The following GOLM1 variants were observed in gnomAD, a reference collection of about 807,000 sequenced individuals.
The protein encoded by GOLM1 is epididymis luminal protein 46.
GOLM1 carries 31 observed loss-of-function variants against 50.5 expected under a neutral mutation model. That is an observed-to-expected ratio of 0.61 (90% CI 0.46 to 0.83). The LOEUF (loss-of-function observed/expected upper bound fraction) is 0.83, where lower values mean the gene tolerates loss of function less well. GOLM1 is among the 40% of genes least tolerant of loss of function. GOLM1 has a pLI of 0.00. For synonymous variants in GOLM1, 178 were observed against 192.8 expected, an observed-to-expected ratio of 0.92 and a Z score of 0.64; for missense variants, 491 against 501.3, an observed-to-expected ratio of 0.98 and a Z score of 0.20.
chr9:86,035,243 T>C, intron 8 of GOLM1, 125 bp downstream of exon 8: 1 of 1,519,892 alleles, frequency 6.6e-7, no homozygotes, highest in Non-Finnish European at 8.8e-7. Flanking sequence ...GAAAAGGAAT[T>C]GGCAAATTGT....
chr9:86,064,406 G>A (rs1834246648), intron 3 of GOLM1, among the ~76,000 whole-genome samples: 1 of 152,166 alleles, frequency 6.6e-6, no homozygotes, highest in South Asian at 2.1e-4. Context: ...CACGGGGCCT[G>A]TTGATCCCTC....
chr9:86,076,249 T>C (rs2118843031), intron 3 of GOLM1, among the ~76,000 whole-genome samples: 1 of 151,460 alleles, frequency 6.6e-6, no homozygotes, highest in South Asian at 2.1e-4. Flanking sequence ...CGAAATCCCA[T>C]CACTACTAAA....
At chr9:86,099,072 C>T (rs1349443342) in intron 1 of GOLM1, among the ~76,000 whole-genome samples, 1 of 152,174 alleles carries the variant, frequency 6.6e-6, no homozygotes, top group Admixed American at 6.5e-5. Flanking sequence ...GATGCCGACG[C>T]GCGTGACAAA....
chr9:86,096,716 G>C (rs535476305), intron 1 of GOLM1, among the ~76,000 whole-genome samples: 2 of 152,214 alleles, frequency 1.3e-5, no homozygotes, highest in Admixed American at 6.5e-5. Context: ...ATTTAAAACA[G>C]GGTTTCTACC....
At chr9:86,053,441 A>AC (rs1463737822) in intron 3 of GOLM1, among the ~76,000 whole-genome samples, 1 of 107,210 alleles carries the variant, frequency 9.3e-6, no homozygotes, top group African/African-American at 3.5e-5. Flanking sequence ...ACCACACACC[A>AC]TTCCATACCA....
intron 3 of GOLM1, among the ~76,000 whole-genome samples, chr9:86,064,759 G>A (rs1819379854): frequency 6.6e-6 from 1 of 152,190 alleles, no homozygotes; most frequent in Non-Finnish European, 1.5e-5. Context: ...ACCCTTCCAG[G>A]TTAGACACTG....
chr9:86,035,022 A>G (rs1443110879), intron 8 of GOLM1: 1 of 985,174 alleles, frequency 1.0e-6, no homozygotes, highest in Non-Finnish European at 1.2e-6. Flanking sequence ...GGCACCAGAC[A>G]CTGCACGACG....
chr9:86,033,799 C>T (rs12340479), intron 8 of GOLM1, among the ~76,000 whole-genome samples: 149 of 152,234 alleles, frequency 9.8e-4, no homozygotes, highest in African/African-American at 3.2e-3. Context: ...CTGTGAGACA[C>T]GTGAGAAGGT....
intron 6 of GOLM1, among the ~76,000 whole-genome samples, chr9:86,037,840 T>G (rs1056576725): frequency 6.6e-6 from 1 of 151,948 alleles, no homozygotes; most frequent in African/African-American, 2.4e-5. Context: ...TGAGGCTCAG[T>G]GTGGATGAGT....
At chr9:86,078,871 T>C (rs534727749) in intron 2 of GOLM1, among the ~76,000 whole-genome samples, 17 of 152,346 alleles carry the variant, frequency 1.1e-4, no homozygotes, top group Admixed American at 6.5e-4. Flanking sequence ...CAACGGACTA[T>C]GGCCAGTGTA....
At chr9:86,034,962 A>ATTCC (rs539256149) in intron 8 of GOLM1, 52 of 704,154 alleles carry the variant, frequency 7.4e-5, no homozygotes, top group Non-Finnish European at 8.2e-5. Context: ...TCTACCCAAT[A>ATTCC]TTCCTTCCTT....
chr9:86,074,777 G>A (rs1039332623), intron 3 of GOLM1, among the ~76,000 whole-genome samples: 1 of 152,228 alleles, frequency 6.6e-6, no homozygotes, highest in African/African-American at 2.4e-5. Context: ...GTTCACTCCT[G>A]TGGCTGGTGT....
At chr9:86,089,917 T>TG (rs1005902842) in intron 1 of GOLM1, among the ~76,000 whole-genome samples, 4 of 152,206 alleles carry the variant, frequency 2.6e-5, no homozygotes, top group African/African-American at 9.6e-5. Flanking sequence ...TCTTTGATAT[T>TG]GGTGAACTTC....
Position 86,050,238 on chromosome 9 carries a change from C to G in GOLM1, c.364+2299G>C, listed in dbSNP as rs530541399. Among the ~76,000 whole-genome samples the G allele has an allele frequency of 6.6e-5, 10 of 152,260 alleles. No individual in the cohort carries two copies. In the East Asian group the frequency reaches 1.2e-3, roughly 18 times the overall value. ...AGGCAACTTGATTGTGTTGGATAAG[C>G]TTTTTGATGTGCTGCTGGATTTGGT... On this transcript the variant is annotated intron_variant, in intron 4 of 9. Transcript: ENST00000388712.
At position 86,077,362 on chromosome 9, in the gene GOLM1, T is replaced by C. The variant is rs142218307; in HGVS notation, c.309+50A>G. ...TCCCGCCAAGAAGAAACAGACAATG[T>C]AGACACCATCCCTTAGAAAAGAACT... On this transcript the variant is annotated intron_variant, in intron 3 of 9. Coordinates refer to ENST00000388712, the MANE Select transcript of GOLM1 (RefSeq NM_016548.4). 7,826 of 1,442,604 alleles carry C rather than the reference T, an allele frequency of 5.4e-3. 36 individuals are homozygous for C. Among genetic ancestry groups the C allele is most frequent in the Non-Finnish European group, 6.3e-3 (6,401 of 1,024,088 alleles). 89.4% of individuals were successfully genotyped at this position (1,442,604 alleles called of 1,614,324 possible).
chr9:86,068,987 T>TA (rs397976647), intron 3 of GOLM1, among the ~76,000 whole-genome samples: 5 of 152,050 alleles, frequency 3.3e-5, no homozygotes, highest in African/African-American at 1.2e-4. Context: ...TTTTTTTTTT[T>TA]AACAATATGC....
chr9:86,079,096 G>T, intron 2 of GOLM1, 96 bp downstream of exon 2: 1 of 1,149,688 alleles, frequency 8.7e-7, no homozygotes, highest in Non-Finnish European at 1.2e-6. Context: ...AAAACGCCCT[G>T]GCTGGCAATA....
chr9:86,060,877 A>C (rs866907156), intron 3 of GOLM1, among the ~76,000 whole-genome samples: 4 of 37,964 alleles, frequency 1.1e-4, no homozygotes, highest in Non-Finnish European at 1.8e-4. Flanking sequence ...AAACTCTCTC[A>C]AAAAAAAAAA....
At position 86,036,433 on chromosome 9, in the gene GOLM1, C is replaced by A. The variant is rs1243071348; in HGVS notation, c.672G>T (p.Lys224Asn). The change falls in exon 7 of 10, where the codon AAG (lysine) becomes AAT (asparagine). Residue 224 changes from lysine (K) to asparagine (N), a missense_variant. Lys to Asn is a moderately conservative substitution (Grantham distance 94, BLOSUM62 0). Transcript: ENST00000388712. Reference protein sequence around the residue: ...GLPHTEVPQGKGNVLGNSKSQ... With the variant: ...GLPHTEVPQGNGNVLGNSKSQ... Reference sequence around the variant, plus strand: ...ACTTGCTGTTACCAAGCACGTTTCCCTTCCCTTGTGGCACCTCTGTGTGTG... The same window carrying A: ...ACTTGCTGTTACCAAGCACGTTTCCATTCCCTTGTGGCACCTCTGTGTGTG... 2 of 1,614,216 alleles carry A rather than the reference C, an allele frequency of 1.2e-6. No individual in the cohort carries two copies. The highest frequency in any genetic ancestry group is 2.2e-5 in the South Asian group (2 of 91,088).
Sources: gnomAD v4.1 joint callset for allele counts (sites outside exome capture counted in the v4.1 genomes callset) on GRCh38, gnomAD v4.1.1 for gene constraint, MANE v1.5 for transcripts, NCBI Gene and HGNC (gene_info 2026-07-23, HGNC 2026-07-21) for gene names.